DACH1: variants seen among roughly 807,000 people sequenced by gnomAD.
DACH1 encodes dachshund homolog 1.
Under a neutral mutation model 54.2 loss-of-function variants are expected in DACH1, and 12 were observed. That is an observed-to-expected ratio of 0.22 (90% CI 0.14 to 0.36). DACH1 has a LOEUF of 0.36. Among genes scored for constraint, DACH1 ranks in the 10% least tolerant of loss-of-function variants. The pLI, the probability that DACH1 is intolerant of heterozygous loss-of-function variation, is 1.00. For synonymous variants in DACH1, 386 were observed against 366.2 expected (o/e 1.05, Z -0.62); for missense variants, 805 against 929.8 (o/e 0.87, Z 1.75).
At chr13:71,860,471 T>TG (rs1477687860) in intron 1 of DACH1, among the ~76,000 whole-genome samples, 1 of 149,964 alleles carries the variant, frequency 6.7e-6, no homozygotes, top group Non-Finnish European at 1.5e-5. Flanking sequence ...TTTTTTTTTT[T>TG]GGTGAACAAG....
At chr13:71,504,989 G>A (rs1347299113) in intron 6 of DACH1, among the ~76,000 whole-genome samples, 2 of 152,028 alleles carry the variant, frequency 1.3e-5, no homozygotes, top group African/African-American at 4.8e-5. Flanking sequence ...TAATCTCTTC[G>A]ACTATTTGTG....
intron 4 of DACH1, among the ~76,000 whole-genome samples, chr13:71,568,776 G>T (rs747689804): frequency 2.6e-5 from 4 of 152,020 alleles, no homozygotes; most frequent in Non-Finnish European, 2.9e-5. Context: ...AGTCTAAGTT[G>T]CTTTATGTTC....
chr13:71,652,296 G>A (rs4307827), intron 2 of DACH1, among the ~76,000 whole-genome samples: 1 of 152,086 alleles, frequency 6.6e-6, no homozygotes, highest in Non-Finnish European at 1.5e-5. Flanking sequence ...CCCCATGGCA[G>A]ATTGTCTTTC....
intron 1 of DACH1, among the ~76,000 whole-genome samples, chr13:71,822,599 T>C (rs1888234169): frequency 6.6e-6 from 1 of 152,184 alleles, no homozygotes; most frequent in Non-Finnish European, 1.5e-5. Context: ...TACAAAAATT[T>C]CTAAAGACAG....
rs113734256 is a variant in DACH1 at position 71,501,628 on chromosome 13, G to A, written c.1571-12480C>T. ...TGATGGGTAGGCATATGGGAATTCA[G>A]TACTCTTCTAATTTTATGTATATTT... On this transcript the variant is annotated intron_variant, in intron 6 of 10. Transcript: ENST00000613252. Among the ~76,000 whole-genome samples the A allele has an allele frequency of 9.9e-3, 1,506 of 152,174 alleles. 24 individuals are homozygous for A. The highest frequency in any genetic ancestry group is 0.034 in the African/African-American group (1,421 of 41,520).
rs188389947 is a variant in DACH1, at chr13:71,572,669, C to A, written c.1299+171G>T. On this transcript the variant is annotated intron_variant, in intron 4 of 10. Transcript: ENST00000613252. ...GAGAATTTAAAGCAACCCTAGCCTG[C>A]CTAAGTAATGTGCCCCTGGGGCCAT... 2.0e-5 allele frequency among the ~76,000 whole-genome samples: 3 copies of A among 152,130 alleles called. No homozygotes were observed. In the East Asian group the frequency reaches 5.8e-4, roughly 29 times the overall value.
At chr13:71,483,481 T>C (rs1436838383) in intron 7 of DACH1, among the ~76,000 whole-genome samples, 1 of 146,708 alleles carries the variant, frequency 6.8e-6, no homozygotes, top group African/African-American at 2.5e-5. Flanking sequence ...TTATAATAAA[T>C]AATATATTAA....
rs1881648730 is a variant in DACH1, at chr13:71,522,188, A to T, written c.1571-33040T>A. 1.3e-5 allele frequency among the ~76,000 whole-genome samples: 2 copies of T among 152,088 alleles called. 1 individual carries two copies. Among genetic ancestry groups the T allele is most frequent in the South Asian group, 4.1e-4 (2 of 4,830 alleles). Reference sequence around the variant, plus strand: ...GAGCTTTCAAGTTTTGCTAATATAAACTATTATTTGTTTCACAGGCAAAAC... The same window carrying T: ...GAGCTTTCAAGTTTTGCTAATATAATCTATTATTTGTTTCACAGGCAAAAC... On this transcript the variant is annotated intron_variant, in intron 6 of 10. Transcript: ENST00000613252.
In DACH1 at chr13:71,440,588, T is replaced by C; in HGVS notation, c.*67A>G. On this transcript the variant is annotated 3_prime_UTR_variant, in exon 11 of 11. Coordinates refer to ENST00000613252, the MANE Select transcript of DACH1 (RefSeq NM_080759.6). Reference sequence around the variant, plus strand: ...AAAAGGACTTTATTTTTTTCTGAACTTTCCCATGACGAATGTCTGACTGCA... The same window carrying C: ...AAAAGGACTTTATTTTTTTCTGAACCTTCCCATGACGAATGTCTGACTGCA... 2 of 1,323,254 alleles carry C rather than the reference T, an allele frequency of 1.5e-6. No individual in the cohort carries two copies. Among genetic ancestry groups the C allele is most frequent in the Non-Finnish European group, 2.1e-6 (2 of 944,704 alleles). The allele number at this position is 1,323,254 out of a possible 1,614,324, so 82.0% of individuals were successfully genotyped here. A position where few individuals can be genotyped will look rare whatever the true frequency, so the allele number is the denominator to read the frequency against.
At chr13:71,759,805 G>GA (rs572221568) in intron 1 of DACH1, among the ~76,000 whole-genome samples, 3,506 of 148,892 alleles carry the variant, frequency 0.024, 65 homozygotes, top group Middle Eastern at 0.041. Flanking sequence ...TTGTCAGGGA[G>GA]AAAAAAAAAA....
At chr13:71,826,679 C>T (rs1211536558) in intron 1 of DACH1, among the ~76,000 whole-genome samples, 1 of 152,044 alleles carries the variant, frequency 6.6e-6, no homozygotes, top group South Asian at 2.1e-4. Context: ...TATGTATATG[C>T]ATACCTACAC....
chr13:71,590,629 G>C (rs1873631331), intron 3 of DACH1, among the ~76,000 whole-genome samples: 1 of 152,066 alleles, frequency 6.6e-6, no homozygotes, highest in Non-Finnish European at 1.5e-5. Context: ...AATGTTAGTT[G>C]AATGAATGAG....
rs150881912 is a variant in DACH1, at chr13:71,805,423, A to T, written c.848+60499T>A. ...CCAGCTAAGCCAGGACAATTTTTTG[A>T]TATTTCATATGTAATTCATAGTGGT... On this transcript the variant is annotated intron_variant, in intron 1 of 10. Transcript: ENST00000613252. Among the ~76,000 whole-genome samples the T allele has an allele frequency of 8.9e-3, 1,353 of 152,266 alleles. 11 individuals carry two copies. The highest frequency in any genetic ancestry group is 0.013 in the Non-Finnish European group (894 of 68,008).
intron 3 of DACH1, among the ~76,000 whole-genome samples, chr13:71,612,142 T>A (rs537602308): frequency 2.6e-5 from 4 of 152,156 alleles, no homozygotes; most frequent in Non-Finnish European, 5.9e-5. Context: ...AATTTTATTT[T>A]ACATTCTCCA....
At chr13:71,716,969 T>C (rs1883003045) in intron 1 of DACH1, among the ~76,000 whole-genome samples, 1 of 152,172 alleles carries the variant, frequency 6.6e-6, no homozygotes, top group Non-Finnish European at 1.5e-5. Context: ...ATTAACTATT[T>C]TTTTAAAGTA....
chr13:71,749,173 G>A (rs1884810151), intron 1 of DACH1, among the ~76,000 whole-genome samples: 1 of 151,596 alleles, frequency 6.6e-6, no homozygotes. Flanking sequence ...CAGTAGAGAT[G>A]GGGTTTCAGC....
At chr13:71,863,177 A>G (rs1874468340) in intron 1 of DACH1, among the ~76,000 whole-genome samples, 1 of 152,172 alleles carries the variant, frequency 6.6e-6, no homozygotes, top group African/African-American at 2.4e-5. Flanking sequence ...AAGGTAAGAA[A>G]TAAGACAATA....
At chr13:71,737,215 TC>T (rs1258430990) in intron 1 of DACH1, among the ~76,000 whole-genome samples, 1 of 151,504 alleles carries the variant, frequency 6.6e-6, no homozygotes, top group Non-Finnish European at 1.5e-5. Context: ...AGAACAAGAC[TC>T]CGTCTCAAAA....
intron 1 of DACH1, among the ~76,000 whole-genome samples, chr13:71,779,289 A>C (rs1886263888): frequency 7.5e-6 from 1 of 132,592 alleles, no homozygotes; most frequent in Admixed American, 7.2e-5. Flanking sequence ...ATACGTATAT[A>C]TACACATATA....
Sources: gnomAD v4.1 joint callset for allele counts (sites outside exome capture counted in the v4.1 genomes callset) on GRCh38, gnomAD v4.1.1 for gene constraint, MANE v1.5 for transcripts, NCBI Gene and HGNC (gene_info 2026-07-23, HGNC 2026-07-21) for gene names.